The following DMD variants were observed in gnomAD, a reference collection of about 807,000 sequenced individuals.
DMD encodes the protein dystrophin.
Under a neutral mutation model 330.1 loss-of-function variants are expected in DMD, and 63 were observed. The observed-to-expected ratio is 0.19, with a 90% CI of 0.16 to 0.24. The LOEUF (loss-of-function observed/expected upper bound fraction) is 0.24. DMD is among the 10% of genes least tolerant of loss of function. DMD has a pLI of 1.00. For synonymous variants in DMD, 1,223 were observed against 959.8 expected (o/e 1.27, Z -5.07); for missense variants, 3,344 against 2,684.1 (o/e 1.25, Z -5.43).
chrX:33,246,665 G>GT (rs1393851881), intron 1 of DMD, among the ~76,000 whole-genome samples: 39 of 109,490 alleles, frequency 3.6e-4, no homozygotes, highest in African/African-American at 1.1e-3. Flanking sequence ...TTCATTTTTG[G>GT]TTTTTTTTGC....
At chrX:31,485,358 C>G (rs1360630913) in intron 57 of DMD, among the ~76,000 whole-genome samples, 1 of 110,578 alleles carries the variant, frequency 9.0e-6, no homozygotes, top group African/African-American at 3.3e-5. Flanking sequence ...CCACACCCTG[C>G]TAATTTTTTG....
intron 48 of DMD, among the ~76,000 whole-genome samples, chrX:31,864,848 G>A (rs1168742939): frequency 9.0e-6 from 1 of 111,612 alleles, no homozygotes; most frequent in African/African-American, 3.3e-5. Context: ...CAACAAGAAA[G>A]GTCCCATTCA....
chrX:32,684,441 T>C (rs1176200807), intron 9 of DMD, among the ~76,000 whole-genome samples: 1 of 111,500 alleles, frequency 9.0e-6, no homozygotes, highest in Admixed American at 9.6e-5. Context: ...CAAGTGTTTA[T>C]TAAACTTTCC....
At chrX:32,606,363 C>T (rs1185139483) in intron 12 of DMD, among the ~76,000 whole-genome samples, 2 of 109,765 alleles carry the variant, frequency 1.8e-5, no homozygotes, top group South Asian at 3.9e-4. Flanking sequence ...GACAGTATCT[C>T]ATTTTTTTAA....
chrX:32,558,801 G>C (rs748677924), intron 16 of DMD, among the ~76,000 whole-genome samples: 2 of 110,768 alleles, frequency 1.8e-5, no homozygotes, highest in South Asian at 7.6e-4. Flanking sequence ...ATTTTATATT[G>C]TTACAGACAA....
At chrX:32,673,587 G>C (rs1333872423) in intron 9 of DMD, among the ~76,000 whole-genome samples, 1 of 112,055 alleles carries the variant, frequency 8.9e-6, no homozygotes, top group Non-Finnish European at 1.9e-5. Flanking sequence ...TGTATGAACA[G>C]AGACAGGAGA....
chrX:33,315,632 T>G (rs1390101330), intron 1 of DMD, among the ~76,000 whole-genome samples: 1 of 112,476 alleles, frequency 8.9e-6, no homozygotes, highest in Non-Finnish European at 1.9e-5. Flanking sequence ...ACTTTTTTCT[T>G]TGTTCACTTC....
chrX:31,576,759 G>GTTTTTTTTTTT (rs201477815), intron 55 of DMD, among the ~76,000 whole-genome samples: 1 of 103,656 alleles, frequency 9.6e-6, no homozygotes, highest in Non-Finnish European at 2.0e-5. Context: ...ATATGAGGTT[G>GTTTTTTTTTTT]TTTTTTTTTG....
chrX:32,217,031 C>T lies in DMD; in HGVS notation c.6323G>A (p.Arg2108His), dbSNP rs1291065884. 4.1e-6 allele frequency: 5 copies of T among 1,207,580 alleles called. No homozygotes were observed. The highest frequency in any genetic ancestry group is 1.8e-5 in the South Asian group (1 of 56,737). ...AAATATCTTTATATCATAATGAAAA[C>T]GCCGCCATTTCTCAACAGATCTGTC... The part of the protein sequence containing the change: ...RFDRSVEKWR[R>H]FHYDIKIFNQ... Residue 2108 changes from arginine to histidine, a missense_variant, in exon 44 of 79, where the codon CGT becomes CAT. Physicochemically the swap from Arg to His is conservative, Grantham distance 29. Transcript: ENST00000357033.
chrX:32,325,784 T>C (rs185650490), intron 41 of DMD, among the ~76,000 whole-genome samples: 7 of 105,567 alleles, frequency 6.6e-5, no homozygotes, highest in African/African-American at 2.4e-4. Context: ...TATATTTTAA[T>C]TGATCTTAAG....
intron 1 of DMD, among the ~76,000 whole-genome samples, chrX:33,034,905 AT>A (rs751757900): frequency 1.8e-5 from 2 of 112,218 alleles, no homozygotes; most frequent in African/African-American, 3.2e-5. Context: ...TTTATATGGC[AT>A]AGAAAGTGTC....
At chrX:32,414,632 A>T (rs1368483947) in intron 29 of DMD, among the ~76,000 whole-genome samples, 1 of 112,073 alleles carries the variant, frequency 8.9e-6, no homozygotes, top group Non-Finnish European at 1.9e-5. Flanking sequence ...ATAAGGAGAA[A>T]TTTTAATGAG....
chrX:32,811,706 A>C (rs938102014), intron 6 of DMD, among the ~76,000 whole-genome samples: 2 of 112,460 alleles, frequency 1.8e-5, no homozygotes, highest in African/African-American at 6.5e-5. Flanking sequence ...ATGAGCAAGA[A>C]AAATGAAGAA....
intron 30 of DMD, among the ~76,000 whole-genome samples, chrX:32,402,911 A>G (rs189927753): frequency 9.0e-6 from 1 of 111,451 alleles, no homozygotes; most frequent in Non-Finnish European, 1.9e-5. Flanking sequence ...GCAAGATGGC[A>G]AGGACCACGT....
At chrX:32,064,134 C>A (rs2096246173) in intron 44 of DMD, among the ~76,000 whole-genome samples, 1 of 111,134 alleles carries the variant, frequency 9.0e-6, no homozygotes, top group Non-Finnish European at 1.9e-5. Context: ...TAGAATGTCA[C>A]CAATTGACTC....
At chrX:33,068,314 T>G (rs2148135532) in intron 1 of DMD, among the ~76,000 whole-genome samples, 1 of 111,893 alleles carries the variant, frequency 8.9e-6, no homozygotes, top group East Asian at 2.8e-4. Flanking sequence ...TGATCTAGGC[T>G]AGAGTAAAGC....
intron 30 of DMD, among the ~76,000 whole-genome samples, chrX:32,406,878 G>A (rs1042570700): frequency 1.2e-4 from 13 of 111,009 alleles, no homozygotes; most frequent in African/African-American, 6.6e-5. Flanking sequence ...ATGGGGAAAC[G>A]ATTCCCTATT....
intron 4 of DMD, among the ~76,000 whole-genome samples, chrX:32,824,800 T>C (rs1219457712): frequency 8.9e-6 from 1 of 111,755 alleles, no homozygotes; most frequent in East Asian, 2.8e-4. Context: ...CTGAATACTA[T>C]TGGTGGTTTT....
intron 17 of DMD, among the ~76,000 whole-genome samples, chrX:32,538,087 A>G (rs1001601720): frequency 1.8e-5 from 2 of 112,241 alleles, no homozygotes; most frequent in African/African-American, 6.5e-5. Context: ...AGATCATTTC[A>G]TCATAAAGCA....
Sources: allele counts gnomAD v4.1 joint callset (sites outside exome capture counted in the v4.1 genomes callset), GRCh38; gene constraint gnomAD v4.1.1; transcripts MANE v1.5; gene names NCBI Gene and HGNC (gene_info 2026-07-23, HGNC 2026-07-21).